IL22RA2: variants seen among roughly 807,000 people sequenced by gnomAD.
The protein encoded by IL22RA2 is interleukin-22 receptor subunit alpha-2.
Under a neutral mutation model 30.7 loss-of-function variants are expected in IL22RA2, and 39 were observed. The observed-to-expected ratio is 1.27, with a 90% CI of 0.98 to 1.66. The LOEUF (loss-of-function observed/expected upper bound fraction) is 1.66. IL22RA2 is among the 40% of genes most tolerant of loss of function. The probability of loss-of-function intolerance (pLI) is 0.00; values close to 1 mark genes in which losing one functional copy is unlikely to be tolerated. For synonymous variants in IL22RA2, 103 were observed against 105.0 expected (o/e 0.98, Z 0.11); for missense variants, 315 against 312.7 (o/e 1.01, Z -0.05).
chr6:137,163,201 A>G (rs1242428732), intron 1 of IL22RA2, among the ~76,000 whole-genome samples: 3 of 152,206 alleles, frequency 2.0e-5, no homozygotes, highest in South Asian at 2.1e-4. Context: ...TTGCTTCTGT[A>G]TCTCGCTTCC....
intron 5 of IL22RA2, among the ~76,000 whole-genome samples, chr6:137,149,813 T>C (rs1778253141): frequency 6.6e-6 from 1 of 152,236 alleles, no homozygotes; most frequent in African/African-American, 2.4e-5. Context: ...TGCATGCTCT[T>C]CTTCAATATA....
intron 2 of IL22RA2, among the ~76,000 whole-genome samples, chr6:137,161,082 G>A (rs897859500): frequency 4.6e-5 from 7 of 152,278 alleles, no homozygotes; most frequent in Non-Finnish European, 7.4e-5. Context: ...TTTCCTCCAC[G>A]AATACCAGAA....
rs1582875057 is a variant in IL22RA2 at position 137,145,618 on chromosome 6, C to T, written c.*6G>A. The T allele has an allele frequency of 5.0e-6, 8 of 1,598,212 alleles. No homozygotes were observed. The highest frequency in any genetic ancestry group is 6.8e-6 in the Non-Finnish European group (8 of 1,171,398). ...TTCCACATTGCTGAATGCCAAATTC[C>T]ACAAGTCATGGAATTTCCACACATC... On this transcript the variant is annotated 3_prime_UTR_variant, in exon 7 of 7. Coordinates refer to ENST00000296980, the MANE Select transcript of IL22RA2 (RefSeq NM_052962.3).
At chr6:137,171,056 T>C (rs930951637) in intron 1 of IL22RA2, among the ~76,000 whole-genome samples, 20 of 152,226 alleles carry the variant, frequency 1.3e-4, no homozygotes, top group African/African-American at 3.9e-4. Context: ...TTCTCTTGTA[T>C]AGTCTCTTTC....
intron 6 of IL22RA2, among the ~76,000 whole-genome samples, chr6:137,147,035 T>A (rs1434392399): frequency 1.4e-5 from 2 of 147,428 alleles, no homozygotes; most frequent in African/African-American, 2.5e-5. Flanking sequence ...AAAATAATCA[T>A]GTGATTCAAA....
intron 2 of IL22RA2, among the ~76,000 whole-genome samples, chr6:137,159,702 C>A (rs1778482464): frequency 6.6e-6 from 1 of 152,186 alleles, no homozygotes; most frequent in Admixed American, 6.5e-5. Context: ...GACTCCTTCA[C>A]TTGCTCCACC....
intron 1 of IL22RA2, among the ~76,000 whole-genome samples, chr6:137,168,249 C>T (rs139908511): frequency 1.1e-4 from 16 of 152,254 alleles, no homozygotes; most frequent in African/African-American, 3.9e-4. Context: ...TATAACCAGA[C>T]TAATTACTCA....
At chr6:137,145,942 G>C (rs1281014793) in intron 6 of IL22RA2, among the ~76,000 whole-genome samples, 169 bp from the exon 7 acceptor site, 1 of 152,218 alleles carries the variant, frequency 6.6e-6, no homozygotes, top group Non-Finnish European at 1.5e-5. Flanking sequence ...GCCTGGTAAA[G>C]GGACAAGGCA....
chr6:137,160,964 C>A (rs995063021), intron 2 of IL22RA2, among the ~76,000 whole-genome samples: 1 of 152,218 alleles, frequency 6.6e-6, no homozygotes, highest in Non-Finnish European at 1.5e-5. Flanking sequence ...ACCATCTTGG[C>A]AAGTTACTTA....
At chr6:137,155,550 C>T (rs1375206040) in intron 4 of IL22RA2, among the ~76,000 whole-genome samples, 1 of 151,256 alleles carries the variant, frequency 6.6e-6, no homozygotes, top group East Asian at 1.9e-4. Context: ...AACAGACCAA[C>T]TTTTTTGATA....
chr6:137,172,661 C>T (rs1340053008), intron 1 of IL22RA2, among the ~76,000 whole-genome samples: 6 of 152,198 alleles, frequency 3.9e-5, no homozygotes, highest in East Asian at 1.9e-4. Context: ...GGCCCCACTC[C>T]GCAGCAGGGA....
chr6:137,169,339 G>T (rs978426827), intron 1 of IL22RA2, among the ~76,000 whole-genome samples: 3 of 152,254 alleles, frequency 2.0e-5, no homozygotes, highest in Non-Finnish European at 2.9e-5. Context: ...CCAATTAGAA[G>T]CTCCAACTGT....
At chr6:137,167,369 A>T (rs1778645590) in intron 1 of IL22RA2, among the ~76,000 whole-genome samples, 1 of 152,226 alleles carries the variant, frequency 6.6e-6, no homozygotes. Flanking sequence ...TATTCACCCT[A>T]TAAGATAGTG....
chr6:137,155,195 T>C (rs1778378866), intron 4 of IL22RA2, 76 bp from the exon 5 acceptor site: 3 of 1,084,088 alleles, frequency 2.8e-6, no homozygotes, highest in Non-Finnish European at 3.9e-6. Context: ...AGACTAATAA[T>C]TTTTTATACC....
Position 137,144,940 on chromosome 6 carries a change from T to C in IL22RA2, c.*684A>G, listed in dbSNP as rs139829678. On this transcript the variant is annotated 3_prime_UTR_variant, in exon 7 of 7. Transcript: ENST00000296980. ...AATATATCTTTTAAATGAGGGACAA[T>C]TGTACAGAGCAGACTTCCTTGTTGT... The C allele has an allele frequency of 6.6e-6, 1 of 152,216 alleles. No individual in the cohort carries two copies. Among genetic ancestry groups the C allele is most frequent in the African/African-American group, 2.4e-5 (1 of 41,548 alleles). 9.4% of individuals were successfully genotyped at this position (152,216 alleles called of 1,614,324 possible).
intron 5 of IL22RA2, among the ~76,000 whole-genome samples, chr6:137,152,952 C>G (rs1204169224): frequency 1.3e-5 from 2 of 152,120 alleles, no homozygotes; most frequent in Non-Finnish European, 2.9e-5. Context: ...TCCAGGGGCT[C>G]TCATCTTCCA....
intron 6 of IL22RA2, among the ~76,000 whole-genome samples, chr6:137,145,981 T>C (rs971099067): frequency 6.6e-6 from 1 of 152,214 alleles, no homozygotes; most frequent in Non-Finnish European, 1.5e-5. Context: ...ACTTGACTTC[T>C]CCTTGAGGGC....
At chr6:137,165,938 C>T (rs2114392401) in intron 1 of IL22RA2, among the ~76,000 whole-genome samples, 1 of 152,198 alleles carries the variant, frequency 6.6e-6, no homozygotes, top group Middle Eastern at 3.4e-3. Context: ...GTGTGAAATC[C>T]CCTACCTAAC....
rs760680350 is a variant in IL22RA2, at chr6:137,158,388, T to C, written c.156A>G (p.Ala52=). ...AATAGACACTGCTGTTGCCAGTAAG[T>C]GCCCTCCCAGGCTGCCATTGCAAAA... is the stretch of plus-strand genomic sequence containing the variant. The part of the protein sequence containing the change: ...HNILQWQPGR[A]LTGNSSVYFV... The change falls in exon 3 of 7, where the codon GCA becomes GCG. Residue 52 remains alanine (A), a synonymous_variant. Transcript: ENST00000296980. 28 of 1,614,198 alleles carry C rather than the reference T, an allele frequency of 1.7e-5. No individual in the cohort carries two copies. The East Asian group carries it at 5.8e-4, about 33-fold the overall frequency.
Sources: gnomAD v4.1 joint callset for allele counts (sites outside exome capture counted in the v4.1 genomes callset) on GRCh38, gnomAD v4.1.1 for gene constraint, MANE v1.5 for transcripts, NCBI Gene and HGNC (gene_info 2026-07-23, HGNC 2026-07-21) for gene names.